The following DUSP4 variants were observed in gnomAD, a reference collection of about 807,000 sequenced individuals.
DUSP4 encodes the protein dual specificity protein phosphatase 4.
A neutral mutation model predicts 27.2 loss-of-function variants in DUSP4; 12 were observed. That is an observed-to-expected ratio of 0.44 (90% CI 0.28 to 0.71). The LOEUF (loss-of-function observed/expected upper bound fraction) is 0.71. Among genes scored for constraint, DUSP4 ranks in the 30% least tolerant of loss-of-function variants. DUSP4 has a pLI of 0.14. For synonymous variants in DUSP4, 257 were observed against 245.2 expected, an observed-to-expected ratio of 1.05 and a Z score of -0.45; for missense variants, 448 against 551.3, an observed-to-expected ratio of 0.81 and a Z score of 1.88.
intron 1 of DUSP4, 86 bp from the exon 2 acceptor site, chr8:29,340,329 G>T: frequency 1.3e-6 from 2 of 1,484,040 alleles, no homozygotes; most frequent in Non-Finnish European, 1.8e-6. Context: ...GACTCAGGCG[G>T]ACTGCTAGGA....
chr8:29,338,606 G>A (rs1817613277), intron 2 of DUSP4, 105 bp from the exon 3 acceptor site: 1 of 1,300,326 alleles, frequency 7.7e-7, no homozygotes, highest in East Asian at 2.5e-5. Context: ...CAAACCCAGG[G>A]AGAATGCCTG....
intron 1 of DUSP4, chr8:29,348,593 C>A (rs1040514078): frequency 2.1e-5 from 21 of 985,438 alleles, no homozygotes; most frequent in South Asian, 4.7e-5. Flanking sequence ...CAAAGCCCCC[C>A]GCTGTCCGGC....
intron 1 of DUSP4, chr8:29,347,816 T>C: frequency 1.0e-6 from 1 of 985,554 alleles, no homozygotes; most frequent in Non-Finnish European, 1.2e-6. Context: ...ACCCAGTCAC[T>C]AGCCTCGCCC....
Position 29,335,424 on chromosome 8 carries a change from G to A in DUSP4, c.*1602C>T, listed in dbSNP as rs1369165794. On this transcript the variant is annotated 3_prime_UTR_variant, in exon 4 of 4. Coordinates refer to ENST00000240100, the MANE Select transcript of DUSP4 (RefSeq NM_001394.7). ...CCTGGCGCTTTGATTTCCAGTTTGG[G>A]AAATTCATACCAATGGAATCCGATG... The A allele has an allele frequency of 6.6e-6, 1 of 152,208 alleles. No homozygotes were observed. Among genetic ancestry groups the A allele is most frequent in the African/African-American group, 2.4e-5 (1 of 41,454 alleles). The allele number at this position is 152,208 out of a possible 1,614,324, so 9.4% of individuals were successfully genotyped here. A position where few individuals can be genotyped will look rare whatever the true frequency, so the allele number is the denominator to read the frequency against.
At position 29,338,158 on chromosome 8, in the gene DUSP4, G is replaced by A; in HGVS notation, c.799+124C>T. 6 of 961,096 alleles carry A rather than the reference G, an allele frequency of 6.2e-6. No individual in the cohort carries two copies. The Admixed American group carries it at 1.0e-4, about 17-fold the overall frequency. 59.5% of individuals were successfully genotyped at this position (961,096 alleles called of 1,614,324 possible). The stretch of plus-strand genomic sequence containing the variant: ...ATGTATAAGCCTTCCCAATGAGGAA[G>A]AGGGGGAATGGGGACCCTTGGATTC... On this transcript the variant is annotated intron_variant, in intron 3 of 3. Coordinates refer to ENST00000240100, the MANE Select transcript of DUSP4 (RefSeq NM_001394.7).
intron 1 of DUSP4, among the ~76,000 whole-genome samples, chr8:29,343,039 G>A (rs547898365): frequency 6.6e-6 from 1 of 152,082 alleles, no homozygotes; most frequent in South Asian, 2.1e-4. Context: ...GTGGTGGCGG[G>A]TGTCTGTAGT....
chr8:29,343,030 T>C (rs1182110292), intron 1 of DUSP4, among the ~76,000 whole-genome samples: 9 of 151,356 alleles, frequency 5.9e-5, no homozygotes, highest in Admixed American at 3.3e-4. Context: ...TAGCCGGGCG[T>C]GGTGGCGGGT....
In DUSP4 at chr8:29,349,966, C is replaced by T; in HGVS notation, c.313G>A (p.Val105Ile). 2 of 1,587,058 alleles carry T rather than the reference C, an allele frequency of 1.3e-6. No homozygotes were observed. Among genetic ancestry groups the T allele is most frequent in the Middle Eastern group, 1.7e-4 (1 of 6,010 alleles). Residue 105 changes from valine to isoleucine, a missense_variant, in exon 1 of 4, where the codon GTC becomes ATC. By Grantham distance (29) the Val-to-Ile change is conservative (BLOSUM62 3). Coordinates refer to ENST00000240100, the MANE Select transcript of DUSP4 (RefSeq NM_001394.7). ...ARLRSGLYSA[V>I]IVYDERSPRA... ...GGGCTGCGCTCGTCGTAGACGATGA[C>T]CGCCGAGTAGAGGCCGGAGCGCAAG...
rs199684767 is a variant in DUSP4 at position 29,345,426 on chromosome 8, G to A, written c.433+4420C>T. The A allele has an allele frequency of 1.1e-4, 170 of 1,614,048 alleles. 2 individuals are homozygous for A. In the Middle Eastern group the frequency reaches 3.3e-3, roughly 31 times the overall value. On this transcript the variant is annotated intron_variant, in intron 1 of 3. Coordinates refer to ENST00000240100, the MANE Select transcript of DUSP4 (RefSeq NM_001394.7). ...TCCTGCCAGCTGGCTGACACCTAAC[G>A]CCATGCTGGGGGCTCGAACTGGTTT...
chr8:29,349,404 C>T (rs567829971), intron 1 of DUSP4, among the ~76,000 whole-genome samples: 4 of 152,234 alleles, frequency 2.6e-5, no homozygotes, highest in Admixed American at 2.6e-4. Flanking sequence ...GGCGCCCACC[C>T]CTCTTCACCT....
rs1587046227 is a variant in DUSP4, at chr8:29,340,375, G to A, written c.434-132C>T. The A allele has an allele frequency of 3.5e-5, 41 of 1,155,576 alleles. 1 individual carries two copies. In the South Asian group the frequency reaches 6.5e-4, roughly 18 times the overall value. 71.6% of individuals were successfully genotyped at this position (1,155,576 alleles called of 1,614,324 possible). A position where few individuals can be genotyped will look rare whatever the true frequency, so the allele number is the denominator to read the frequency against. On this transcript the variant is annotated intron_variant, in intron 1 of 3. Transcript: ENST00000240100. ...TGGCGTGCTCCATATTGGCCACTAG[G>A]TGGCGCTGTGGACCTAGAGAATGGC...
At chr8:29,347,353 C>T (rs1364036524) in intron 1 of DUSP4, among the ~76,000 whole-genome samples, 2 of 152,186 alleles carry the variant, frequency 1.3e-5, no homozygotes, top group African/African-American at 4.8e-5. Flanking sequence ...GATGCCTTTC[C>T]ATTAGAGGGC....
chr8:29,344,131 T>A (rs895846818), intron 1 of DUSP4, among the ~76,000 whole-genome samples: 2 of 152,350 alleles, frequency 1.3e-5, no homozygotes, highest in Middle Eastern at 3.4e-3. Flanking sequence ...GTATGTTCCC[T>A]CCTCAACTCT....
intron 1 of DUSP4, 76 bp from the exon 2 acceptor site, chr8:29,340,319 G>A: frequency 1.3e-6 from 2 of 1,497,926 alleles, no homozygotes; most frequent in South Asian, 2.7e-5. Context: ...GACTCCTACA[G>A]ACTCAGGCGG....
At chr8:29,345,836 G>A (rs1272672869) in intron 1 of DUSP4, 2 of 1,096,406 alleles carry the variant, frequency 1.8e-6, no homozygotes, top group Non-Finnish European at 2.2e-6. Flanking sequence ...GTCTAACATA[G>A]TGAGTTTGCT....
intron 1 of DUSP4, chr8:29,347,924 G>C (rs762536119): frequency 3.6e-5 from 35 of 985,352 alleles, no homozygotes; most frequent in Non-Finnish European, 4.1e-5. Flanking sequence ...GGGAAATGCC[G>C]CGCGCCCTGG....
intron 1 of DUSP4, 107 bp downstream of exon 1, chr8:29,349,739 G>C: frequency 1.2e-5 from 15 of 1,295,966 alleles, no homozygotes; most frequent in East Asian, 2.9e-5. Context: ...GGGGATCCCC[G>C]CAACCACGAA....
chr8:29,345,627 C>T (rs542441790), intron 1 of DUSP4: 27 of 1,491,748 alleles, frequency 1.8e-5, no homozygotes, highest in Admixed American at 1.0e-4. Flanking sequence ...TTTCTTGGCT[C>T]GGGAAAGTGG....
In DUSP4 at chr8:29,336,998, C is replaced by G; in HGVS notation, c.*28G>C. 1 of 1,554,592 alleles carries G rather than the reference C, an allele frequency of 6.4e-7. No individual in the cohort carries two copies. Among genetic ancestry groups the G allele is most frequent in the Non-Finnish European group, 8.7e-7 (1 of 1,151,420 alleles). On this transcript the variant is annotated 3_prime_UTR_variant, in exon 4 of 4. Coordinates refer to ENST00000240100, the MANE Select transcript of DUSP4 (RefSeq NM_001394.7). ...CCGTCCTACCCTTGCTGGGAGCCAG[C>G]TCTGGTTCTGGGGCCCCCAGGGCGG...
Sources: gnomAD v4.1 joint callset for allele counts (sites outside exome capture counted in the v4.1 genomes callset) on GRCh38, gnomAD v4.1.1 for gene constraint, MANE v1.5 for transcripts, NCBI Gene and HGNC (gene_info 2026-07-23, HGNC 2026-07-21) for gene names.